Variants in URM1 observed in about 807,000 individuals in gnomAD.
URM1 encodes the protein ubiquitin related modifier 1.
URM1 carries 11 observed loss-of-function variants against 17.7 expected under a neutral mutation model. That is an observed-to-expected ratio of 0.62 (90% CI 0.39 to 1.03). The LOEUF (loss-of-function observed/expected upper bound fraction) is 1.03, where lower values mean the gene tolerates loss of function less well. Ranked by LOEUF, URM1 falls within the 50% of genes least tolerant of loss-of-function variation. The pLI is 0.00. For missense variants in URM1, 128 were observed against 129.2 expected (o/e 0.99, Z 0.04); for synonymous variants, 48 against 50.6 (o/e 0.95, Z 0.22).
At chr9:128,383,728 C>G (rs2240947) in intron 2 of URM1, among the ~76,000 whole-genome samples, 2 of 152,124 alleles carry the variant, frequency 1.3e-5, no homozygotes, top group African/African-American at 4.8e-5. Context: ...GGGTCTGTTA[C>G]GCCTGCGAGT....
chr9:128,382,837 G>A (rs1588584043), intron 2 of URM1, among the ~76,000 whole-genome samples: 2 of 152,172 alleles, frequency 1.3e-5, no homozygotes, highest in African/African-American at 2.4e-5. Context: ...CAGCCATCTC[G>A]CTGAAACGGC....
rs559396719 is a variant in URM1 at position 128,389,938 on chromosome 9, C to G, written c.*204C>G. 1.5e-6 allele frequency: 1 copy of G among 649,294 alleles called. No homozygotes were observed. Among genetic ancestry groups the G allele is most frequent in the Non-Finnish European group, 2.6e-6 (1 of 388,582 alleles). The allele number at this position is 649,294 out of a possible 1,614,324, so 40.2% of individuals were successfully genotyped here. A position where few individuals can be genotyped will look rare whatever the true frequency, so the allele number is the denominator to read the frequency against. Reference sequence around the variant, plus strand: ...ACGTGAGCAGCGGAAGGCAGACAGGCGCCAGAGCCCAGCACTCCCTTTTCC... The same window carrying G: ...ACGTGAGCAGCGGAAGGCAGACAGGGGCCAGAGCCCAGCACTCCCTTTTCC... On this transcript the variant is annotated 3_prime_UTR_variant, in exon 5 of 5. Coordinates refer to ENST00000372853, the MANE Select transcript of URM1 (RefSeq NM_030914.4).
At position 128,387,020 on chromosome 9, in the gene URM1, G is replaced by C. The variant is rs958350572; in HGVS notation, c.107-796G>C. 6.6e-6 allele frequency among the ~76,000 whole-genome samples: 1 copy of C among 152,242 alleles called. No homozygotes were observed. Among genetic ancestry groups the C allele is most frequent in the Non-Finnish European group, 1.5e-5 (1 of 68,036 alleles). ...TAGAGCCACATTTCTGTGTGCTGTGGCCCGATACTGCTGCCCCTAGGAAAG... is the reference window on the plus strand; with the variant it reads ...TAGAGCCACATTTCTGTGTGCTGTGCCCCGATACTGCTGCCCCTAGGAAAG... On this transcript the variant is annotated intron_variant, in intron 2 of 4. Transcript: ENST00000372853. The surrounding 1 kb of genome is among the most constrained non-coding windows in gnomAD (Gnocchi z 4.3).
intron 1 of URM1, among the ~76,000 whole-genome samples, chr9:128,374,409 C>T (rs1265458182): frequency 6.6e-6 from 1 of 152,154 alleles, no homozygotes; most frequent in Non-Finnish European, 1.5e-5. Context: ...CTCTGACCCC[C>T]AACTCCTGAG....
Position 128,389,693 on chromosome 9 carries a change from C to G in URM1, c.265C>G (p.Gln89Glu). The G allele has an allele frequency of 1.2e-6, 2 of 1,613,514 alleles. No individual in the cohort carries two copies. Among genetic ancestry groups the G allele is most frequent in the Non-Finnish European group, 1.7e-6 (2 of 1,180,002 alleles). The change falls in exon 5 of 5, where the codon CAG (glutamine) becomes GAG (glutamate). Residue 89 changes from glutamine (Q) to glutamate (E), a missense_variant. Coordinates refer to ENST00000372853, the MANE Select transcript of URM1 (RefSeq NM_030914.4). Reference protein sequence around the residue: ...LGELDYQLQDQDSVLFISTLH... With the variant: ...LGELDYQLQDEDSVLFISTLH... ...TGAGCTGGACTACCAGCTTCAGGAC[C>G]AGGACAGCGTCCTCTTCATCTCCAC...
intron 3 of URM1, chr9:128,388,684 C>A (rs1045969306): frequency 6.7e-5 from 66 of 982,594 alleles, no homozygotes; most frequent in Non-Finnish European, 7.6e-5. Flanking sequence ...GCTGCCTGAC[C>A]AAATGTTGAC....
chr9:128,379,623 C>T lies in URM1; in HGVS notation c.106+1517C>T, dbSNP rs147655639. ...CACTAGCCTGGCCAAGATGGTGAAACCCCGTCTCTACTAAAAATACAAAAA... is the reference window on the plus strand; with the variant it reads ...CACTAGCCTGGCCAAGATGGTGAAATCCCGTCTCTACTAAAAATACAAAAA... On this transcript the variant is annotated intron_variant, in intron 2 of 4. Coordinates refer to ENST00000372853, the MANE Select transcript of URM1 (RefSeq NM_030914.4). Among the ~76,000 whole-genome samples the T allele has an allele frequency of 8.0e-3, 1,216 of 152,138 alleles. 13 individuals carry two copies. Among genetic ancestry groups the T allele is most frequent in the African/African-American group, 0.028 (1,178 of 41,486 alleles).
chr9:128,381,682 T>C (rs1226878436), intron 2 of URM1, among the ~76,000 whole-genome samples: 2 of 152,190 alleles, frequency 1.3e-5, no homozygotes, highest in Non-Finnish European at 2.9e-5. Flanking sequence ...CAAGACTCCG[T>C]CTCAAAAACA....
At chr9:128,377,964 T>A in intron 1 of URM1, 72 bp from the exon 2 acceptor site, 2 of 1,557,626 alleles carry the variant, frequency 1.3e-6, no homozygotes, top group Non-Finnish European at 1.8e-6. Flanking sequence ...ATCCTCAGTT[T>A]TCTGTTTCCG....
Position 128,378,022 on chromosome 9 carries a change from G to A in URM1, c.36-14G>A. 1.2e-6 allele frequency: 2 copies of A among 1,610,162 alleles called. No homozygotes were observed. Among genetic ancestry groups the A allele is most frequent in the South Asian group, 1.1e-5 (1 of 90,360 alleles). ...GCTCACCTGGCTGTCTTTTTCTCTG[G>A]TCCTCCTTTGCAGAGGTGGTGCGGA... is the stretch of plus-strand genomic sequence containing the variant. On this transcript the variant is annotated splice_polypyrimidine_tract_variant and intron_variant, in intron 1 of 4. Transcript: ENST00000372853.
intron 2 of URM1, among the ~76,000 whole-genome samples, chr9:128,383,213 T>C (rs1365716557): frequency 6.6e-6 from 1 of 152,106 alleles, no homozygotes; most frequent in Non-Finnish European, 1.5e-5. Context: ...GCAAAATTGC[T>C]TTTGAAAAGA....
chr9:128,385,372 G>C (rs1375069563), intron 2 of URM1, among the ~76,000 whole-genome samples: 6 of 152,178 alleles, frequency 3.9e-5, no homozygotes, highest in Non-Finnish European at 5.9e-5. Context: ...CTAGCTCCCT[G>C]AGGGTAGGTA....
intron 1 of URM1, among the ~76,000 whole-genome samples, chr9:128,377,794 A>G (rs1021461973): frequency 2.6e-5 from 4 of 152,208 alleles, no homozygotes; most frequent in African/African-American, 9.6e-5. Flanking sequence ...CAGGAGTTCA[A>G]GGTTACAGCG....
intron 2 of URM1, among the ~76,000 whole-genome samples, chr9:128,381,562 G>C (rs1043980334): frequency 6.6e-6 from 1 of 152,232 alleles, no homozygotes; most frequent in African/African-American, 2.4e-5. Flanking sequence ...TGGGCATGGT[G>C]GTGGGCACCT....
chr9:128,378,058 G>A lies in URM1; in HGVS notation c.58G>A (p.Asp20Asn). The A allele has an allele frequency of 6.8e-6, 11 of 1,611,926 alleles. No individual in the cohort carries two copies. The highest frequency in any genetic ancestry group is 9.3e-6 in the Non-Finnish European group (11 of 1,179,036). The change falls in exon 2 of 5, where the codon GAC becomes AAC. Residue 20 changes from aspartate to asparagine, a missense_variant. Physicochemically the swap from Asp to Asn is conservative, Grantham distance 23. Coordinates refer to ENST00000372853, the MANE Select transcript of URM1 (RefSeq NM_030914.4). ...EFGGGAELLF[D>N]GIKKHRVTLP... ...CAGAGGTGGTGCGGAGCTCCTGTTT[G>A]ACGGTATTAAGAAACATCGAGTCAC...
At chr9:128,372,145 GT>G (rs1255858216) in intron 1 of URM1, among the ~76,000 whole-genome samples, 1 of 152,224 alleles carries the variant, frequency 6.6e-6, no homozygotes, top group Non-Finnish European at 1.5e-5. Flanking sequence ...CTACAAACAG[GT>G]TTGTCATATG....
At position 128,390,598 on chromosome 9, in the gene URM1, G is replaced by T. The variant is rs1833298681; in HGVS notation, c.*864G>T. The T allele has an allele frequency of 6.6e-6, 1 of 152,412 alleles. No individual in the cohort carries two copies. The highest frequency in any genetic ancestry group is 2.1e-4 in the South Asian group (1 of 4,836). 9.4% of individuals were successfully genotyped at this position (152,412 alleles called of 1,614,324 possible). The stretch of plus-strand genomic sequence containing the variant: ...CGTTTTCTCTCCCTTCCCACCTCCT[G>T]CAGGAAGCAGGACGGGGCAGGCAGC... On this transcript the variant is annotated 3_prime_UTR_variant, in exon 5 of 5. Transcript: ENST00000372853.
At chr9:128,374,580 A>G (rs1283011413) in intron 1 of URM1, among the ~76,000 whole-genome samples, 1 of 151,960 alleles carries the variant, frequency 6.6e-6, no homozygotes, top group East Asian at 1.9e-4. Context: ...CTCCCCCTCC[A>G]CATTTCTGCA....
At chr9:128,388,560 A>G in intron 3 of URM1, 1 of 986,202 alleles carries the variant, frequency 1.0e-6, no homozygotes, top group Non-Finnish European at 1.2e-6. Flanking sequence ...GTCAGGTCCT[A>G]AGGGATCAGG....
Sources: gnomAD v4.1 joint callset for allele counts (sites outside exome capture counted in the v4.1 genomes callset) on GRCh38, gnomAD v4.1.1 for gene constraint, Gnocchi (gnomAD v3.1) non-coding constraint, MANE v1.5 for transcripts, NCBI Gene and HGNC (gene_info 2026-07-23, HGNC 2026-07-21) for gene names.